Variants in RAB40A observed in about 807,000 individuals in gnomAD.
RAB40A encodes ras-related protein Rab-40A.
For missense variants in RAB40A, 145 were observed against 230.2 expected, an observed-to-expected ratio of 0.63 and a Z score of 2.40; for synonymous variants, 65 against 99.9, an observed-to-expected ratio of 0.65 and a Z score of 2.08.
Position 103,499,758 on chromosome X carries a change from A to T in RAB40A, c.*165T>A. On this transcript the variant is annotated 3_prime_UTR_variant, in exon 3 of 3. Transcript: ENST00000304236. ...ATAGAAATTCAAAGTCAAACTGTGT[A>T]ATGTGTTTTTATTGACAGAAGGCAT... The T allele has an allele frequency of 1.8e-6, 1 of 555,471 alleles. No homozygotes were observed. Among genetic ancestry groups the T allele is most frequent in the Non-Finnish European group, 3.0e-6 (1 of 333,903 alleles). The allele number at this position is 555,471 out of a possible 1,213,427, so 45.8% of individuals were successfully genotyped here. A position where few individuals can be genotyped will look rare whatever the true frequency, so the allele number is the denominator to read the frequency against.
intron 2 of RAB40A, among the ~76,000 whole-genome samples, chrX:103,516,874 G>A (rs932012932): frequency 2.7e-5 from 3 of 111,603 alleles, no homozygotes; most frequent in African/African-American, 9.8e-5. Flanking sequence ...ACTAACATGT[G>A]GATGAAACAT....
At chrX:103,511,531 G>A (rs1458289706) in intron 2 of RAB40A, among the ~76,000 whole-genome samples, 1 of 108,825 alleles carries the variant, frequency 9.2e-6, no homozygotes, top group Non-Finnish European at 1.9e-5. Flanking sequence ...AAAAGGATGA[G>A]TTCATGTCCT....
intron 2 of RAB40A, chrX:103,503,422 C>G (rs764596932): frequency 1.3e-6 from 1 of 750,968 alleles, no homozygotes; most frequent in African/African-American, 2.3e-5. Flanking sequence ...ACAGCATGCA[C>G]GGGACAACGT....
Position 103,500,096 on chromosome X carries a change from G to A in RAB40A, c.661C>T (p.His221Tyr). 8.3e-7 allele frequency: 1 copy of A among 1,211,952 alleles called. No homozygotes were observed. The highest frequency in any genetic ancestry group is 1.8e-5 in the South Asian group (1 of 57,020). ...TTAGCCATGGAGAAGGACTTGAGGTGGCTTCTTAAGGTACTGGGGAGCGGG... is the reference window on the plus strand; with the variant it reads ...TTAGCCATGGAGAAGGACTTGAGGTAGCTTCTTAAGGTACTGGGGAGCGGG... ...KLPLPSTLRSHLKSFSMAKGL... is the reference protein window; with the variant it reads ...KLPLPSTLRSYLKSFSMAKGL... Residue 221 changes from histidine (H) to tyrosine (Y), a missense_variant, in exon 3 of 3, where the codon CAC (histidine) becomes TAC (tyrosine). By Grantham distance (83) the His-to-Tyr change is moderately conservative. Transcript: ENST00000304236.
intron 2 of RAB40A, among the ~76,000 whole-genome samples, chrX:103,504,516 TTTTTA>T (rs1306363043): frequency 3.6e-5 from 4 of 111,038 alleles, no homozygotes; most frequent in Admixed American, 9.6e-5. Context: ...TATATATATA[TTTTTA>T]TTTTATTTTA....
intron 2 of RAB40A, among the ~76,000 whole-genome samples, chrX:103,507,207 A>G (rs2073260267): frequency 9.0e-6 from 1 of 111,543 alleles, no homozygotes; most frequent in South Asian, 3.8e-4. Context: ...CCTGGAAAGG[A>G]CATAATCTCA....
chrX:103,508,769 C>G (rs1175472799), intron 2 of RAB40A, among the ~76,000 whole-genome samples: 2 of 112,002 alleles, frequency 1.8e-5, no homozygotes, highest in Non-Finnish European at 3.8e-5. Flanking sequence ...GTAAGACAGG[C>G]ATGTTTGTGA....
chrX:103,498,700 C>T (rs763900201), downstream of RAB40A, among the ~76,000 whole-genome samples: 54 of 112,346 alleles, frequency 4.8e-4, no homozygotes, highest in Non-Finnish European at 9.0e-4. Context: ...GTCCCCACAG[C>T]TCCGTGAGGC....
intron 2 of RAB40A, among the ~76,000 whole-genome samples, chrX:103,513,921 C>T (rs955214653): frequency 1.8e-5 from 2 of 110,429 alleles, no homozygotes; most frequent in Non-Finnish European, 3.8e-5. Flanking sequence ...CACACACAGA[C>T]ACATTGCAAC....
chrX:103,516,153 TTC>T (rs1362138228), intron 2 of RAB40A, among the ~76,000 whole-genome samples: 1 of 112,039 alleles, frequency 8.9e-6, no homozygotes, highest in East Asian at 2.8e-4. Flanking sequence ...AATTTCATAG[TTC>T]TCTCTGTTTT....
chrX:103,516,370 T>C (rs2073316700), intron 2 of RAB40A, among the ~76,000 whole-genome samples: 1 of 111,969 alleles, frequency 8.9e-6, no homozygotes, highest in African/African-American at 3.2e-5. Context: ...TATTATACTC[T>C]TGTGATGCTG....
At chrX:103,502,875 T>C in intron 2 of RAB40A, 1 of 764,998 alleles carries the variant, frequency 1.3e-6, no homozygotes, top group Non-Finnish European at 1.6e-6. Context: ...GTTGAGAGTA[T>C]ACGGCATGAA....
intron 1 of RAB40A, among the ~76,000 whole-genome samples, chrX:103,518,946 G>A (rs1476799369): frequency 9.0e-6 from 1 of 111,547 alleles, no homozygotes; most frequent in African/African-American, 3.3e-5. Context: ...ATAGAACTAA[G>A]CAACAATCCT....
At chrX:103,509,568 C>G (rs987246502) in intron 2 of RAB40A, among the ~76,000 whole-genome samples, 6 of 80,248 alleles carry the variant, frequency 7.5e-5, no homozygotes, top group African/African-American at 2.9e-4. Flanking sequence ...CTTCCTCTCC[C>G]TCCCTCCTTC....
At chrX:103,508,890 A>G (rs2073271469) in intron 2 of RAB40A, among the ~76,000 whole-genome samples, 1 of 111,388 alleles carries the variant, frequency 9.0e-6, no homozygotes, top group Admixed American at 9.5e-5. Flanking sequence ...ATAGATATAG[A>G]TATGAATATT....
chrX:103,497,583 G>A (rs1387433058), downstream of RAB40A: 5 of 111,726 alleles, frequency 4.5e-5, no homozygotes, highest in African/African-American at 1.6e-4. Flanking sequence ...CATACCTTAC[G>A]TTCTGGAGGG....
chrX:103,515,184 G>T (rs1478887856), intron 2 of RAB40A, among the ~76,000 whole-genome samples: 2 of 112,407 alleles, frequency 1.8e-5, no homozygotes, highest in African/African-American at 3.2e-5. Context: ...TCAGTCTGTT[G>T]TACAGAATAC....
chrX:103,498,015 G>T (rs1415490726), downstream of RAB40A, among the ~76,000 whole-genome samples: 1 of 111,876 alleles, frequency 8.9e-6, no homozygotes, highest in Non-Finnish European at 1.9e-5. Flanking sequence ...GACAATGAAA[G>T]AATTTCCACC....
intron 2 of RAB40A, among the ~76,000 whole-genome samples, chrX:103,513,662 C>G (rs2073302608): frequency 9.0e-6 from 1 of 110,634 alleles, no homozygotes; most frequent in Admixed American, 9.7e-5. Context: ...TCCAGATTTA[C>G]AGACATAGAT....
Sources: gnomAD v4.1 joint callset for allele counts (sites outside exome capture counted in the v4.1 genomes callset) on GRCh38, gnomAD v4.1.1 for gene constraint, MANE v1.5 for transcripts, NCBI Gene and HGNC (gene_info 2026-07-23, HGNC 2026-07-21) for gene names.